The following CACNA1S variants were observed in gnomAD, a reference collection of about 807,000 sequenced individuals.
CACNA1S encodes the protein voltage-dependent L-type calcium channel subunit alpha-1S.
CACNA1S carries 126 observed loss-of-function variants against 207.4 expected under a neutral mutation model. The observed-to-expected ratio is 0.61, with a 90% CI of 0.53 to 0.70. The LOEUF is 0.70. Among genes scored for constraint, CACNA1S ranks in the 30% least tolerant of loss-of-function variants. The pLI, the probability that CACNA1S is intolerant of heterozygous loss-of-function variation, is 0.00. For missense variants in CACNA1S, 2,349 were observed against 2,422.8 expected (o/e 0.97, Z 0.64); for synonymous variants, 960 against 932.7 (o/e 1.03, Z -0.53).
chr1:201,110,004 A>C (rs1375875822), intron 2 of CACNA1S, among the ~76,000 whole-genome samples, 160 bp downstream of exon 2: 1 of 152,220 alleles, frequency 6.6e-6, no homozygotes, highest in Non-Finnish European at 1.5e-5. Flanking sequence ...AAACCCATTG[A>C]GCCACTCAGC....
intron 3 of CACNA1S, 81 bp from the exon 4 acceptor site, chr1:201,092,195 C>A: frequency 1.3e-6 from 2 of 1,543,494 alleles, no homozygotes; most frequent in Non-Finnish European, 1.8e-6. Flanking sequence ...TGTGTCCTGT[C>A]CATGCTTGAG....
At chr1:201,045,840 C>T (rs77738353) in intron 38 of CACNA1S, among the ~76,000 whole-genome samples, 219 of 150,690 alleles carry the variant, frequency 1.5e-3, no homozygotes, top group African/African-American at 5.0e-3. Context: ...TTGTAATACA[C>T]ATTTTGCCTT....
intron 2 of CACNA1S, among the ~76,000 whole-genome samples, chr1:201,094,850 C>G (rs965867143): frequency 6.6e-6 from 1 of 152,132 alleles, no homozygotes; most frequent in Non-Finnish European, 1.5e-5. Context: ...GACCTGTCCC[C>G]GTAGCCTGAT....
chr1:201,049,090 G>C lies in CACNA1S; in HGVS notation c.4251C>G (p.Ile1417Met). ...GCAGGGTCACCACGTCCAGGTGTTT[G>C]ATTCTCCCCCTGCGGGAGGACACAC... ...AEYDPEAKGR[I>M]KHLDVVTLLR... The change falls in exon 35 of 44, where the codon ATC (isoleucine) becomes ATG (methionine). Residue 1417 changes from isoleucine to methionine, a missense_variant. By Grantham distance (10) the Ile-to-Met change is conservative. Coordinates refer to ENST00000362061, the MANE Select transcript of CACNA1S (RefSeq NM_000069.3). 1 of 1,611,788 alleles carries C rather than the reference G, an allele frequency of 6.2e-7. No individual in the cohort carries two copies. The highest frequency in any genetic ancestry group is 8.5e-7 in the Non-Finnish European group (1 of 1,178,926).
intron 10 of CACNA1S, among the ~76,000 whole-genome samples, 169 bp from the exon 11 acceptor site, chr1:201,078,273 G>A (rs955662455): frequency 3.3e-5 from 5 of 152,164 alleles, no homozygotes; most frequent in African/African-American, 1.2e-4. Flanking sequence ...CCAGACTGGA[G>A]TGAAGTGGCA....
chr1:201,074,472 A>C, intron 14 of CACNA1S, 34 bp downstream of exon 14: 1 of 1,368,818 alleles, frequency 7.3e-7, no homozygotes, highest in Non-Finnish European at 1.0e-6. Flanking sequence ...ACGACTGAGC[A>C]CTCCAGGTCC....
chr1:201,086,862 G>A (rs980208475), intron 7 of CACNA1S, among the ~76,000 whole-genome samples: 8 of 152,214 alleles, frequency 5.3e-5, no homozygotes, highest in African/African-American at 1.9e-4. Flanking sequence ...TTTCTATTAG[G>A]ACAAGTCATA....
At chr1:201,068,882 T>G (rs986310276) in intron 19 of CACNA1S, among the ~76,000 whole-genome samples, 12 of 151,478 alleles carry the variant, frequency 7.9e-5, no homozygotes, top group Admixed American at 2.0e-4. Flanking sequence ...AAAGAAAAAA[T>G]AAAAAGAAAA....
chr1:201,094,292 A>G (rs1386612307), intron 2 of CACNA1S, among the ~76,000 whole-genome samples: 1 of 151,958 alleles, frequency 6.6e-6, no homozygotes, highest in Non-Finnish European at 1.5e-5. Context: ...CCAGCATTTC[A>G]TGTTCCTCTC....
At chr1:201,107,737 C>T (rs190264604) in intron 2 of CACNA1S, among the ~76,000 whole-genome samples, 1 of 152,318 alleles carries the variant, frequency 6.6e-6, no homozygotes, top group East Asian at 1.9e-4. Context: ...CCTCTCATCT[C>T]CCTCTTGCTG....
At position 201,066,113 on chromosome 1, in the gene CACNA1S, G is replaced by T; in HGVS notation, c.2745+116C>A. ...CCCAGCCTCATCCTTACCCCTATCT[G>T]CCCAGGGAGATGGGACAGGGGTCCC... On this transcript the variant is annotated intron_variant, in intron 21 of 43. Coordinates refer to ENST00000362061, the MANE Select transcript of CACNA1S (RefSeq NM_000069.3). The surrounding 1 kb of genome is among the most constrained non-coding windows in gnomAD (Gnocchi z 4.3). The T allele has an allele frequency of 9.3e-7, 1 of 1,073,110 alleles. No homozygotes were observed. Among genetic ancestry groups the T allele is most frequent in the Non-Finnish European group, 1.4e-6 (1 of 700,216 alleles). The allele number at this position is 1,073,110 out of a possible 1,614,324, so 66.5% of individuals were successfully genotyped here.
intron 2 of CACNA1S, among the ~76,000 whole-genome samples, chr1:201,105,480 G>A (rs1472661836): frequency 6.6e-6 from 1 of 152,180 alleles, no homozygotes; most frequent in Non-Finnish European, 1.5e-5. Flanking sequence ...GTAGGTGAGT[G>A]GGCCTGGGCT....
intron 2 of CACNA1S, among the ~76,000 whole-genome samples, chr1:201,104,409 T>G (rs985420313): frequency 2.0e-5 from 3 of 152,222 alleles, no homozygotes; most frequent in African/African-American, 7.2e-5. Flanking sequence ...TTTGTTTAGC[T>G]CTCACTATTC....
intron 43 of CACNA1S, 70 bp downstream of exon 43, chr1:201,040,161 C>T: frequency 6.2e-7 from 1 of 1,611,734 alleles, no homozygotes; most frequent in Middle Eastern, 1.9e-4. Context: ...GCCCTACCCT[C>T]TCTCCACGCC....
At position 201,061,409 on chromosome 1, in the gene CACNA1S, C is replaced by A. The variant is rs774884290; in HGVS notation, c.3113G>T (p.Arg1038Leu). 7.4e-6 allele frequency: 12 copies of A among 1,614,030 alleles called. No individual in the cohort carries two copies. Among genetic ancestry groups the A allele is most frequent in the Admixed American group, 1.7e-5 (1 of 60,012 alleles). The part of the protein sequence containing the change: ...AEDVGPIYNN[R>L]VEMAIFFIIY... The stretch of plus-strand genomic sequence containing the variant: ...GATGAAGAAGATGGCCATCTCCACA[C>A]GGTTGTTGTAGATGGGACCCACGTC... The change falls in exon 25 of 44, where the codon CGT (arginine) becomes CTT (leucine). Residue 1038 changes from arginine (R) to leucine (L), a missense_variant. Coordinates refer to ENST00000362061, the MANE Select transcript of CACNA1S (RefSeq NM_000069.3).
Position 201,066,479 on chromosome 1 carries a change from G to A in CACNA1S, c.2658-163C>T, listed in dbSNP as rs2297901. Among the ~76,000 whole-genome samples the A allele has an allele frequency of 2.6e-5, 4 of 151,724 alleles. No homozygotes were observed. The highest frequency in any genetic ancestry group is 5.9e-5 in the Non-Finnish European group (4 of 67,952). ...TTCCTCCAGCCGTGAGAGTGTGCCCGACTCCAGGGCACAGCCACCCCTGCT... is the reference window on the plus strand; with the variant it reads ...TTCCTCCAGCCGTGAGAGTGTGCCCAACTCCAGGGCACAGCCACCCCTGCT... On this transcript the variant is annotated intron_variant, in intron 20 of 43. Transcript: ENST00000362061. This position sits in a 1 kb window ranked among gnomAD's most constrained non-coding sequence, Gnocchi z 4.3.
At chr1:201,098,465 A>G (rs1380689745) in intron 2 of CACNA1S, among the ~76,000 whole-genome samples, 1 of 152,216 alleles carries the variant, frequency 6.6e-6, no homozygotes, top group Non-Finnish European at 1.5e-5. Flanking sequence ...AATGCAGTAC[A>G]CCCATGCAGT....
intron 34 of CACNA1S, among the ~76,000 whole-genome samples, chr1:201,049,661 T>C (rs569079349): frequency 6.6e-6 from 1 of 152,134 alleles, no homozygotes; most frequent in South Asian, 2.1e-4. Context: ...TTTTCTTTGA[T>C]GGGCAGGCTG....
At chr1:201,070,183 G>A (rs1558067870) in intron 17 of CACNA1S, 89 bp downstream of exon 17, 2 of 1,369,728 alleles carry the variant, frequency 1.5e-6, no homozygotes, top group Non-Finnish European at 2.1e-6. Context: ...ATAACTGTAG[G>A]CATGGAGAGT....
Sources: gnomAD v4.1 joint callset for allele counts (sites outside exome capture counted in the v4.1 genomes callset) on GRCh38, gnomAD v4.1.1 for gene constraint, Gnocchi (gnomAD v3.1) non-coding constraint, MANE v1.5 for transcripts, NCBI Gene and HGNC (gene_info 2026-07-23, HGNC 2026-07-21) for gene names.